Variants in IGFL2 observed in about 807,000 individuals in gnomAD.
IGFL2 encodes the protein IGF like family member 2, also known as insulin growth factor-like family member 2.
A neutral mutation model predicts 13.9 loss-of-function variants in IGFL2; 7 were observed. The observed-to-expected ratio is 0.51, with a 90% CI of 0.29 to 0.95. IGFL2 has a LOEUF of 0.95. Among genes scored for constraint, IGFL2 ranks in the 40% least tolerant of loss-of-function variants. IGFL2 has a pLI of 0.08. For synonymous variants in IGFL2, 55 were observed against 55.8 expected (o/e 0.99, Z 0.07); for missense variants, 138 against 147.8 (o/e 0.93, Z 0.34).
the IGFL2 span, among the ~76,000 whole-genome samples, chr19:46,131,784 C>G: frequency 6.6e-6 from 1 of 152,058 alleles, no homozygotes. Flanking sequence ...ACTAAAAATA[C>G]AAAAGTTAGC....
the IGFL2 span, among the ~76,000 whole-genome samples, chr19:46,103,913 G>A: frequency 6.6e-6 from 1 of 152,314 alleles, no homozygotes; most frequent in East Asian, 1.9e-4. Context: ...GACAGACAAA[G>A]CTTTATTCTG....
At chr19:46,191,715 TG>T in the IGFL2 span, among the ~76,000 whole-genome samples, 1 of 152,174 alleles carries the variant, frequency 6.6e-6, no homozygotes, top group Non-Finnish European at 1.5e-5. Flanking sequence ...GAAATTATGC[TG>T]GGAAGCAGAA....
At chr19:46,188,054 GAT>G in the IGFL2 span, among the ~76,000 whole-genome samples, 2 of 152,188 alleles carry the variant, frequency 1.3e-5, no homozygotes, top group African/African-American at 2.4e-5. Context: ...TGAGCAATAG[GAT>G]ATAAATAATT....
chr19:46,199,492 G>A, the IGFL2 span, among the ~76,000 whole-genome samples: 2 of 152,274 alleles, frequency 1.3e-5, no homozygotes, highest in African/African-American at 4.8e-5. Flanking sequence ...TTTGACACCT[G>A]GAGAAGGGGC....
chr19:46,171,465 A>T, the IGFL2 span, among the ~76,000 whole-genome samples: 3 of 152,216 alleles, frequency 2.0e-5, no homozygotes, highest in African/African-American at 7.2e-5. Flanking sequence ...AAAACAATCA[A>T]ACTTAGACCA....
At chr19:46,209,438 G>A in the IGFL2 span, 1 of 152,128 alleles carries the variant, frequency 6.6e-6, no homozygotes, top group African/African-American at 2.4e-5. Flanking sequence ...CCCAACATAG[G>A]ACACACCATG....
the IGFL2 span, chr19:46,208,211 A>T: frequency 6.6e-6 from 1 of 152,252 alleles, no homozygotes; most frequent in Non-Finnish European, 1.5e-5. Flanking sequence ...CATCCAGTGC[A>T]CATCTGGGCA....
chr19:46,121,407 AAAG>A, the IGFL2 span, among the ~76,000 whole-genome samples: 183 of 148,802 alleles, frequency 1.2e-3, 4 homozygotes, highest in African/African-American at 4.3e-3. Context: ...AAAAAAAAAA[AAAG>A]AAGAAGAAAA....
At chr19:46,209,765 G>T in the IGFL2 span, 1 of 152,164 alleles carries the variant, frequency 6.6e-6, no homozygotes, top group Non-Finnish European at 1.5e-5. Flanking sequence ...CACAGGAAGG[G>T]ATTAAATTCC....
the IGFL2 span, among the ~76,000 whole-genome samples, chr19:46,199,945 C>T: frequency 1.3e-3 from 195 of 152,166 alleles, no homozygotes; most frequent in African/African-American, 3.8e-3. Context: ...GGCACGATCT[C>T]GGCTCACTGC....
At chr19:46,090,041 AT>A in the IGFL2 span, among the ~76,000 whole-genome samples, 1 of 151,088 alleles carries the variant, frequency 6.6e-6, no homozygotes, top group Non-Finnish European at 1.5e-5. Flanking sequence ...TCTTTTTATT[AT>A]TTTTTTCTTT....
chr19:46,127,641 A>ATAGG, the IGFL2 span, among the ~76,000 whole-genome samples: 3 of 152,148 alleles, frequency 2.0e-5, no homozygotes, highest in East Asian at 1.9e-4. Context: ...AGGTGGGTAG[A>ATAGG]TAGGTAGGTA....
chr19:46,204,607 A>G, the IGFL2 span, among the ~76,000 whole-genome samples: 2 of 152,146 alleles, frequency 1.3e-5, no homozygotes, highest in South Asian at 2.1e-4. Flanking sequence ...AACAGTGACA[A>G]CACAGAGTGG....
the IGFL2 span, among the ~76,000 whole-genome samples, chr19:46,087,672 A>G: frequency 6.6e-6 from 1 of 152,210 alleles, no homozygotes; most frequent in African/African-American, 2.4e-5. Flanking sequence ...CTGTGCCTCA[A>G]CCCTGCAGTA....
At chr19:46,110,461 A>G in the IGFL2 span, among the ~76,000 whole-genome samples, 1 of 152,330 alleles carries the variant, frequency 6.6e-6, no homozygotes, top group Non-Finnish European at 1.5e-5. Flanking sequence ...ATGATACATC[A>G]AAAACTAATA....
At chr19:46,125,151 C>G in the IGFL2 span, among the ~76,000 whole-genome samples, 1 of 152,102 alleles carries the variant, frequency 6.6e-6, no homozygotes, top group Non-Finnish European at 1.5e-5. Context: ...TATGAAGCCA[C>G]TTTATTTTTT....
At chr19:46,118,587 C>G in the IGFL2 span, among the ~76,000 whole-genome samples, 101 of 152,322 alleles carry the variant, frequency 6.6e-4, 1 homozygote, top group African/African-American at 2.3e-3. Context: ...AAGGGAACCC[C>G]CACACACTCC....
the IGFL2 span, among the ~76,000 whole-genome samples, chr19:46,129,306 T>C: frequency 1.1e-4 from 14 of 126,228 alleles, no homozygotes; most frequent in East Asian, 1.1e-3. Context: ...TTGTTGATCT[T>C]TTGTGTGTGT....
the IGFL2 span, among the ~76,000 whole-genome samples, chr19:46,096,331 T>G: frequency 4.6e-5 from 7 of 152,060 alleles, no homozygotes; most frequent in Non-Finnish European, 8.8e-5. Context: ...TGTCTGTTGT[T>G]GGTGTATAGG....
Sources: gnomAD v4.1 joint callset for allele counts (sites outside exome capture counted in the v4.1 genomes callset) on GRCh38, gnomAD v4.1.1 for gene constraint, MANE v1.5 for transcripts, NCBI Gene and HGNC (gene_info 2026-07-23, HGNC 2026-07-21) for gene names.